The following PHF24 variants were observed in gnomAD, a reference collection of about 807,000 sequenced individuals.
PHF24 encodes the protein Galpha inhibitory interacting protein.
A neutral mutation model predicts 42.6 loss-of-function variants in PHF24; 25 were observed. The ratio of observed to expected loss-of-function variants is 0.59; its 90% confidence interval spans 0.43 to 0.82. The LOEUF (loss-of-function observed/expected upper bound fraction) is 0.82. Ranked by LOEUF, PHF24 falls within the 40% of genes least tolerant of loss-of-function variation. The pLI is 0.00. For synonymous variants in PHF24, 185 were observed against 204.8 expected (o/e 0.90, Z 0.83); for missense variants, 470 against 538.1 (o/e 0.87, Z 1.25).
the PHF24 span, among the ~76,000 whole-genome samples, chr9:34,829,643 C>T: frequency 6.6e-6 from 1 of 152,166 alleles, no homozygotes; most frequent in African/African-American, 2.4e-5. Flanking sequence ...GCCTCCTCAG[C>T]GCAGACTTTG....
At chr9:34,814,001 G>T in the PHF24 span, among the ~76,000 whole-genome samples, 29 of 152,110 alleles carry the variant, frequency 1.9e-4, no homozygotes, top group African/African-American at 7.0e-4. Flanking sequence ...CTTTGATTTT[G>T]CCCAGAAGTT....
chr9:34,933,271 A>G, the PHF24 span, among the ~76,000 whole-genome samples: 4 of 152,238 alleles, frequency 2.6e-5, no homozygotes, highest in Non-Finnish European at 4.4e-5. Flanking sequence ...GCAATCAAGT[A>G]GAGGCAATGA....
chr9:34,801,876 A>T, the PHF24 span, among the ~76,000 whole-genome samples: 1 of 118,674 alleles, frequency 8.4e-6, no homozygotes, highest in South Asian at 2.8e-4. Context: ...ACGTGGACAC[A>T]GGGAGGGGAA....
the PHF24 span, among the ~76,000 whole-genome samples, chr9:34,886,791 A>ACTCTG: frequency 5.3e-5 from 6 of 114,190 alleles, no homozygotes; most frequent in African/African-American, 1.0e-4. Context: ...TACTCTGTCT[A>ACTCTG]TCTACTCTAT....
the PHF24 span, among the ~76,000 whole-genome samples, chr9:34,731,741 G>A: frequency 6.6e-6 from 1 of 152,146 alleles, no homozygotes; most frequent in Non-Finnish European, 1.5e-5. Context: ...TGGCTATTGT[G>A]TAAATATAGG....
the PHF24 span, among the ~76,000 whole-genome samples, chr9:34,951,018 A>AT: frequency 2.0e-5 from 3 of 152,254 alleles, no homozygotes; most frequent in Non-Finnish European, 4.4e-5. Context: ...TGTAGGGCAG[A>AT]TATTAAAGGG....
chr9:34,864,213 G>T, the PHF24 span, among the ~76,000 whole-genome samples: 1 of 152,210 alleles, frequency 6.6e-6, no homozygotes, highest in Non-Finnish European at 1.5e-5. Context: ...TAGAGAAAGA[G>T]ATAGGGGTGG....
the PHF24 span, among the ~76,000 whole-genome samples, chr9:34,764,657 A>C: frequency 1.3e-5 from 2 of 151,974 alleles, no homozygotes. Context: ...CAGCTCCTGG[A>C]TTCATTAATT....
At chr9:34,800,929 G>T in the PHF24 span, among the ~76,000 whole-genome samples, 2 of 151,826 alleles carry the variant, frequency 1.3e-5, no homozygotes, top group African/African-American at 2.4e-5. Context: ...TCTGACAAAG[G>T]TCTAATATCT....
the PHF24 span, among the ~76,000 whole-genome samples, chr9:34,759,108 G>A: frequency 6.6e-6 from 1 of 152,134 alleles, no homozygotes; most frequent in Admixed American, 6.6e-5. Flanking sequence ...TTTCTAATCA[G>A]CCATCTTGCT....
the PHF24 span, among the ~76,000 whole-genome samples, chr9:34,677,209 A>G: frequency 3.3e-5 from 5 of 151,906 alleles, no homozygotes; most frequent in African/African-American, 1.2e-4. Context: ...AATATAATCC[A>G]TCAGCTCAGC....
the PHF24 span, among the ~76,000 whole-genome samples, chr9:34,713,403 G>C: frequency 1.3e-5 from 2 of 152,248 alleles, no homozygotes; most frequent in Middle Eastern, 3.4e-3. Flanking sequence ...AGCTACTTCA[G>C]GAATGTGGGC....
At chr9:34,923,055 T>TG in the PHF24 span, 2 of 443,248 alleles carry the variant, frequency 4.5e-6, no homozygotes, top group African/African-American at 4.1e-5. Context: ...TTTTGTTTTT[T>TG]TTTTTTTTTT....
At chr9:34,739,602 G>A in the PHF24 span, among the ~76,000 whole-genome samples, 3 of 152,166 alleles carry the variant, frequency 2.0e-5, no homozygotes, top group East Asian at 1.9e-4. Flanking sequence ...GGATGTGTTC[G>A]GAGTTTCTTC....
At chr9:34,709,587 G>A in the PHF24 span, 1 of 1,614,192 alleles carries the variant, frequency 6.2e-7, no homozygotes, top group Non-Finnish European at 8.5e-7. Context: ...TTTCTGTGGG[G>A]ATGGTGTCTT....
chr9:34,959,558 G>T (rs948204813), intron 1 of PHF24, among the ~76,000 whole-genome samples: 4 of 152,320 alleles, frequency 2.6e-5, no homozygotes, highest in Non-Finnish European at 5.9e-5. Context: ...CCGAGCATAG[G>T]GTTTTGCAGT....
chr9:34,744,258 T>C, the PHF24 span, among the ~76,000 whole-genome samples: 1 of 152,186 alleles, frequency 6.6e-6, no homozygotes, highest in African/African-American at 2.4e-5. Context: ...CAAAGCTCAA[T>C]TGGATATCAT....
chr9:34,739,552 C>G, the PHF24 span, among the ~76,000 whole-genome samples: 1 of 152,104 alleles, frequency 6.6e-6, no homozygotes, highest in Non-Finnish European at 1.5e-5. Context: ...TGTTACAGCT[C>G]TTAAGGTGGC....
At chr9:34,880,204 T>TA in the PHF24 span, among the ~76,000 whole-genome samples, 2 of 152,146 alleles carry the variant, frequency 1.3e-5, no homozygotes, top group East Asian at 3.9e-4. Flanking sequence ...AAGGAAGCAC[T>TA]AAACATGGAA....
Sources: allele counts gnomAD v4.1 joint callset (sites outside exome capture counted in the v4.1 genomes callset), GRCh38; gene constraint gnomAD v4.1.1; transcripts MANE v1.5; gene names NCBI Gene and HGNC (gene_info 2026-07-23, HGNC 2026-07-21).